The following CCDC178 variants were observed in gnomAD, a reference collection of about 807,000 sequenced individuals.
CCDC178 encodes the protein coiled-coil domain containing 178, also known as coiled-coil domain-containing protein 178.
A neutral mutation model predicts 117.4 loss-of-function variants in CCDC178; 126 were observed. The observed-to-expected ratio is 1.07, with a 90% confidence interval of 0.93 to 1.24. The LOEUF (loss-of-function observed/expected upper bound fraction) is 1.24, where lower values mean the gene tolerates loss of function less well. Ranked by LOEUF, CCDC178 falls within the 50% of genes most tolerant of loss-of-function variation. The pLI is 0.00. For missense variants in CCDC178, 1,030 were observed against 986.9 expected (o/e 1.04, Z -0.59); for synonymous variants, 283 against 313.4 (o/e 0.90, Z 1.02).
intron 14 of CCDC178, among the ~76,000 whole-genome samples, chr18:33,265,354 T>C (rs1599074257): frequency 6.6e-6 from 1 of 151,818 alleles, no homozygotes; most frequent in African/African-American, 2.4e-5. Flanking sequence ...AAGACAGAAA[T>C]GAATCAAATA....
intron 21 of CCDC178, among the ~76,000 whole-genome samples, chr18:33,029,602 G>C (rs2056295358): frequency 6.6e-6 from 1 of 151,852 alleles, no homozygotes; most frequent in Non-Finnish European, 1.5e-5. Context: ...CTATTGATTT[G>C]AGACCTTTCT....
chr18:33,091,090 G>A (rs754899189), intron 21 of CCDC178, among the ~76,000 whole-genome samples: 57 of 151,834 alleles, frequency 3.8e-4, no homozygotes, highest in African/African-American at 1.3e-3. Context: ...GCTCCCCCCC[G>A]ATTAGAAAAG....
intron 21 of CCDC178, among the ~76,000 whole-genome samples, chr18:33,010,340 C>G (rs1227537945): frequency 2.0e-5 from 3 of 152,124 alleles, no homozygotes; most frequent in African/African-American, 7.2e-5. Flanking sequence ...CCCTGGCGGT[C>G]ATGGAAAGCA....
In CCDC178 at chr18:33,267,190, A is replaced by C; in HGVS notation, c.1272+12T>G. On this transcript the variant is annotated intron_variant, in intron 13 of 22. Transcript: ENST00000383096. ...GGCGTTCTAAGTGGGAAGTAGGAAA[A>C]AATCAACTTACTGCAGCATAAAAAT... The C allele has an allele frequency of 6.3e-7, 1 of 1,579,980 alleles. No individual in the cohort carries two copies. Among genetic ancestry groups the C allele is most frequent in the Non-Finnish European group, 8.6e-7 (1 of 1,167,700 alleles).
At chr18:33,129,103 C>G (rs973963782) in intron 20 of CCDC178, among the ~76,000 whole-genome samples, 1 of 151,992 alleles carries the variant, frequency 6.6e-6, no homozygotes, top group African/African-American at 2.4e-5. Flanking sequence ...AAATTATAAT[C>G]AAAGATAGAT....
chr18:33,151,885 C>T (rs1312932660), intron 20 of CCDC178, among the ~76,000 whole-genome samples: 1 of 152,004 alleles, frequency 6.6e-6, no homozygotes, highest in Non-Finnish European at 1.5e-5. Flanking sequence ...GTATCAACAA[C>T]AATATTATTA....
At chr18:33,347,948 T>G (rs1453221705) in intron 8 of CCDC178, among the ~76,000 whole-genome samples, 1 of 152,044 alleles carries the variant, frequency 6.6e-6, no homozygotes, top group African/African-American at 2.4e-5. Context: ...AGGCCTTGAT[T>G]ACAACAAATC....
At chr18:33,387,887 T>C (rs1011273103) in intron 5 of CCDC178, among the ~76,000 whole-genome samples, 1 of 152,234 alleles carries the variant, frequency 6.6e-6, no homozygotes, top group East Asian at 1.9e-4. Flanking sequence ...ACAGAGCTTC[T>C]GCATAGCAAA....
At chr18:33,001,785 C>T (rs1398021376) in intron 21 of CCDC178, among the ~76,000 whole-genome samples, 1 of 151,870 alleles carries the variant, frequency 6.6e-6, no homozygotes, top group Non-Finnish European at 1.5e-5. Flanking sequence ...CTGTTGCCTA[C>T]AAGAAACACA....
intron 22 of CCDC178, among the ~76,000 whole-genome samples, chr18:32,967,035 T>C (rs1426422396): frequency 6.6e-6 from 1 of 151,828 alleles, no homozygotes; most frequent in African/African-American, 2.4e-5. Flanking sequence ...ATCAAGTACA[T>C]TTTATGAAGT....
At chr18:33,031,171 A>G (rs2056335018) in intron 21 of CCDC178, among the ~76,000 whole-genome samples, 1 of 149,664 alleles carries the variant, frequency 6.7e-6, no homozygotes. Context: ...GCTTCCTTTT[A>G]CTTAAGTGAA....
chr18:33,306,679 A>G (rs1310537559), intron 11 of CCDC178, among the ~76,000 whole-genome samples: 1 of 150,888 alleles, frequency 6.6e-6, no homozygotes, highest in East Asian at 1.9e-4. Flanking sequence ...GCTTATAATC[A>G]TAAATTAAAT....
intron 22 of CCDC178, among the ~76,000 whole-genome samples, chr18:32,950,220 C>G (rs930392815): frequency 6.6e-6 from 1 of 152,136 alleles, no homozygotes; most frequent in African/African-American, 2.4e-5. Context: ...GATACTGTGT[C>G]TTGTAAATCC....
chr18:33,088,852 G>C (rs1003788048), intron 21 of CCDC178, among the ~76,000 whole-genome samples: 1 of 152,108 alleles, frequency 6.6e-6, no homozygotes, highest in African/African-American at 2.4e-5. Flanking sequence ...ATTTGAACAT[G>C]AGTAAAGAAA....
intron 21 of CCDC178, among the ~76,000 whole-genome samples, chr18:33,005,109 G>C (rs1345923691): frequency 2.0e-5 from 3 of 151,968 alleles, no homozygotes; most frequent in African/African-American, 7.2e-5. Flanking sequence ...CAATCCTACT[G>C]CTAGATATAT....
intron 21 of CCDC178, among the ~76,000 whole-genome samples, chr18:33,033,272 G>A (rs1393592370): frequency 6.6e-6 from 1 of 152,038 alleles, no homozygotes; most frequent in East Asian, 1.9e-4. Flanking sequence ...TAGAGTTCAG[G>A]AAGTATCTTT....
rs535192849 is a variant in CCDC178, at chr18:33,333,178, A to AT, written c.874dup (p.Met292AsnfsTer11). The AT allele has an allele frequency of 5.4e-3, 7,542 of 1,387,572 alleles. No individual in the cohort carries two copies. Among genetic ancestry groups the AT allele is most frequent in the South Asian group, 8.3e-3 (618 of 74,664 alleles). 86.0% of individuals were successfully genotyped at this position (1,387,572 alleles called of 1,614,324 possible). ...CTCATGCATTCGTTTATTTACCTCC[A>AT]TTTTTTTTTTATAATGGTTCTTCAG... On this transcript the variant is annotated frameshift_variant, in exon 10 of 23. Coordinates refer to ENST00000383096, the MANE Select transcript of CCDC178 (RefSeq NM_001105528.4). LOFTEE classifies it high-confidence loss of function.
At chr18:33,417,185 C>T (rs137939317) in intron 2 of CCDC178, among the ~76,000 whole-genome samples, 1 of 152,158 alleles carries the variant, frequency 6.6e-6, no homozygotes, top group Non-Finnish European at 1.5e-5. Context: ...AACCTGCACG[C>T]TACCTAGATG....
At chr18:33,241,461 T>C (rs2059487198) in intron 15 of CCDC178, among the ~76,000 whole-genome samples, 1 of 150,984 alleles carries the variant, frequency 6.6e-6, no homozygotes, top group South Asian at 2.1e-4. Context: ...TGTGTGTGTG[T>C]GTGTGTGTAG....
Sources: gnomAD v4.1 joint callset for allele counts (sites outside exome capture counted in the v4.1 genomes callset) on GRCh38, gnomAD v4.1.1 for gene constraint, MANE v1.5 for transcripts, NCBI Gene and HGNC (gene_info 2026-07-23, HGNC 2026-07-21) for gene names.